TRHDE: variants seen among roughly 807,000 people sequenced by gnomAD.
TRHDE encodes thyrotropin-releasing hormone-degrading ectoenzyme.
In TRHDE, 72 loss-of-function variants were observed where a neutral mutation model predicts 125.7. The ratio of observed to expected loss-of-function variants is 0.57; its 90% confidence interval spans 0.47 to 0.70. The LOEUF is 0.70. TRHDE is among the 30% of genes least tolerant of loss of function. The probability of loss-of-function intolerance (pLI) is 0.00; values close to 1 mark genes in which losing one functional copy is unlikely to be tolerated. For synonymous variants in TRHDE, 509 were observed against 509.1 expected (o/e 1.00, Z 0.00); for missense variants, 1,110 against 1,327.1 (o/e 0.84, Z 2.54).
At chr12:72,570,640 C>G (rs1870676627) in intron 10 of TRHDE, among the ~76,000 whole-genome samples, 1 of 131,044 alleles carries the variant, frequency 7.6e-6, no homozygotes, top group Non-Finnish European at 1.5e-5. Flanking sequence ...CCAATAGCCA[C>G]GGGTTATGTT....
At chr12:72,355,115 AT>A (rs1229315371) in intron 2 of TRHDE, among the ~76,000 whole-genome samples, 2 of 151,542 alleles carry the variant, frequency 1.3e-5, no homozygotes, top group Non-Finnish European at 3.0e-5. Context: ...TCTTATTCAA[AT>A]AATCACACAA....
At chr12:72,620,461 T>C (rs1480036631) in intron 13 of TRHDE, among the ~76,000 whole-genome samples, 1 of 151,820 alleles carries the variant, frequency 6.6e-6, no homozygotes, top group African/African-American at 2.4e-5. Flanking sequence ...AGGCGGAGGA[T>C]GCAGTGAGCC....
chr12:72,604,643 C>A (rs1363744390), intron 12 of TRHDE, among the ~76,000 whole-genome samples: 1 of 151,772 alleles, frequency 6.6e-6, no homozygotes, highest in African/African-American at 2.4e-5. Flanking sequence ...TAATATAATT[C>A]TTATTTTGTC....
intron 5 of TRHDE, among the ~76,000 whole-genome samples, chr12:72,479,331 A>G (rs191230079): frequency 6.6e-6 from 1 of 152,282 alleles, no homozygotes; most frequent in East Asian, 1.9e-4. Flanking sequence ...TGGGAAATAG[A>G]AGCTTTTGAA....
chr12:72,286,301 C>T (rs1451832607), intron 1 of TRHDE, among the ~76,000 whole-genome samples: 1 of 152,260 alleles, frequency 6.6e-6, no homozygotes, highest in East Asian at 1.9e-4. Flanking sequence ...ATTTTGGTTT[C>T]GTTGTCTTTA....
chr12:72,597,756 TATGC>T (rs1314116820), intron 12 of TRHDE, among the ~76,000 whole-genome samples: 3 of 10,624 alleles, frequency 2.8e-4, no homozygotes, highest in African/African-American at 4.9e-4. Flanking sequence ...TATATATATA[TATGC>T]ATACACACAC....
At chr12:72,210,176 A>ATCTG (rs1176623952) in intron 2 of TRHDE, among the ~76,000 whole-genome samples, 78 of 144,808 alleles carry the variant, frequency 5.4e-4, no homozygotes, top group Non-Finnish European at 3.0e-5. Flanking sequence ...AGATTGATCT[A>ATCTG]TCTATCTATC....
chr12:72,370,586 A>G (rs1397017186), intron 2 of TRHDE, among the ~76,000 whole-genome samples: 2 of 152,040 alleles, frequency 1.3e-5, no homozygotes, highest in Non-Finnish European at 1.5e-5. Flanking sequence ...TCACTTTTCT[A>G]ATTAGTCTTT....
Position 72,618,904 on chromosome 12 carries a change from C to T in TRHDE, c.2335C>T (p.Pro779Ser), listed in dbSNP as rs1173178864. 3.9e-6 allele frequency: 6 copies of T among 1,532,022 alleles called. No homozygotes were observed. Among genetic ancestry groups the T allele is most frequent in the Non-Finnish European group, 5.2e-6 (6 of 1,143,210 alleles). 94.9% of individuals were successfully genotyped at this position (1,532,022 alleles called of 1,614,324 possible). A position where few individuals can be genotyped will look rare whatever the true frequency, so the allele number is the denominator to read the frequency against. The part of the protein sequence containing the change: ...AFSLARAGYL[P>S]QNIPLEIIRY... ...TTTTAACTGTAGGGCTGGCTATTTGCCTCAGAATATTCCTCTGGAGATTAT... is the reference window on the plus strand; with the variant it reads ...TTTTAACTGTAGGGCTGGCTATTTGTCTCAGAATATTCCTCTGGAGATTAT... The change falls in exon 13 of 19, where the codon CCT becomes TCT. Residue 779 changes from proline (P) to serine (S), a missense_variant. Transcript: ENST00000261180.
At chr12:72,231,052 T>G (rs1878236741) in intron 2 of TRHDE, among the ~76,000 whole-genome samples, 1 of 152,138 alleles carries the variant, frequency 6.6e-6, no homozygotes, top group East Asian at 1.9e-4. Context: ...CACTTAGATA[T>G]CAGAACTATG....
At chr12:72,262,199 G>A (rs192994133) in intron 2 of TRHDE, among the ~76,000 whole-genome samples, 114 of 152,206 alleles carry the variant, frequency 7.5e-4, no homozygotes, top group African/African-American at 2.4e-3. Flanking sequence ...GGCATTTCAG[G>A]AGCATTAACA....
At chr12:72,319,004 C>T (rs1452718053) in intron 2 of TRHDE, among the ~76,000 whole-genome samples, 7 of 152,050 alleles carry the variant, frequency 4.6e-5, no homozygotes, top group African/African-American at 1.2e-4. Flanking sequence ...AGGGCACAGT[C>T]GGTGAGAGCT....
intron 3 of TRHDE, among the ~76,000 whole-genome samples, chr12:72,436,666 C>A (rs1396572645): frequency 6.6e-6 from 1 of 151,888 alleles, no homozygotes; most frequent in East Asian, 1.9e-4. Context: ...GCCTGACATA[C>A]TCTTCAGAAT....
rs534909141 is a variant in TRHDE at position 72,222,703 on chromosome 12, T to G, written n.279+116951T>G. 6.6e-5 allele frequency among the ~76,000 whole-genome samples: 10 copies of G among 152,248 alleles called. No homozygotes were observed. In the East Asian group the frequency reaches 1.9e-3, roughly 29 times the overall value. ...TGTCACGGCCTGAGTAAGCAATCCT[T>G]TTCCATGGTTAAATCCCTTTCAGGA... On this transcript the variant is annotated intron_variant and non_coding_transcript_variant, in intron 2 of 4. Transcript: ENST00000548156.
At chr12:72,660,946 C>G (rs918762725) in intron 18 of TRHDE, among the ~76,000 whole-genome samples, 1 of 152,118 alleles carries the variant, frequency 6.6e-6, no homozygotes, top group Non-Finnish European at 1.5e-5. Context: ...CAGTCAGAGG[C>G]AATTCCAACC....
intron 15 of TRHDE, among the ~76,000 whole-genome samples, chr12:72,637,936 T>C (rs1873840765): frequency 6.6e-6 from 1 of 152,292 alleles, no homozygotes; most frequent in South Asian, 2.1e-4. Context: ...ATGTGGTCCG[T>C]TTTGGAATAG....
intron 5 of TRHDE, among the ~76,000 whole-genome samples, chr12:72,479,705 A>T (rs991769460): frequency 4.4e-4 from 66 of 150,018 alleles, no homozygotes; most frequent in Non-Finnish European, 8.7e-4. Context: ...GTACATGTGC[A>T]CAATGTGCAG....
chr12:72,581,958 CG>C (rs1871250719), intron 12 of TRHDE, among the ~76,000 whole-genome samples: 1 of 151,716 alleles, frequency 6.6e-6, no homozygotes, highest in African/African-American at 2.4e-5. Context: ...AAAAATTAGC[CG>C]GGCAAGGTGG....
At chr12:72,170,598 C>T (rs900685941) in intron 2 of TRHDE, among the ~76,000 whole-genome samples, 1 of 152,004 alleles carries the variant, frequency 6.6e-6, no homozygotes, top group African/African-American at 2.4e-5. Flanking sequence ...GATTGCTTGG[C>T]TCTACCTTTG....
Sources: gnomAD v4.1 joint callset for allele counts (sites outside exome capture counted in the v4.1 genomes callset) on GRCh38, gnomAD v4.1.1 for gene constraint, MANE v1.5 for transcripts, NCBI Gene and HGNC (gene_info 2026-07-23, HGNC 2026-07-21) for gene names.